The following CACNA1E variants were observed in gnomAD, a reference collection of about 807,000 sequenced individuals.
The protein encoded by CACNA1E is voltage-dependent R-type calcium channel subunit alpha-1E.
CACNA1E carries 40 observed loss-of-function variants against 259.2 expected under a neutral mutation model. That is an observed-to-expected ratio of 0.15 (90% CI 0.12 to 0.20). The LOEUF (loss-of-function observed/expected upper bound fraction) is 0.20, where lower values mean the gene tolerates loss of function less well. CACNA1E is among the 10% of genes least tolerant of loss of function. CACNA1E has a pLI of 1.00. For synonymous variants in CACNA1E, 1,104 were observed against 1,138.5 expected (o/e 0.97, Z 0.61); for missense variants, 1,874 against 3,040.1 (o/e 0.62, Z 9.02).
At chr1:181,627,382 A>G (rs1279160884) in intron 6 of CACNA1E, among the ~76,000 whole-genome samples, 1 of 152,194 alleles carries the variant, frequency 6.6e-6, no homozygotes, top group Non-Finnish European at 1.5e-5. Flanking sequence ...GGGAAGAGGA[A>G]ATGGTACCTG....
At chr1:181,463,711 G>A (rs1167341048) in intron 2 of CACNA1E, among the ~76,000 whole-genome samples, 2 of 152,052 alleles carry the variant, frequency 1.3e-5, no homozygotes, top group Admixed American at 6.5e-5. Context: ...GTTCTAGATA[G>A]AATTCGTGAG....
At chr1:181,323,423 G>T (rs183823920) in intron 1 of CACNA1E, among the ~76,000 whole-genome samples, 1 of 152,198 alleles carries the variant, frequency 6.6e-6, no homozygotes, top group African/African-American at 2.4e-5. Context: ...TAATACACAG[G>T]CACAGAACTG....
intron 1 of CACNA1E, among the ~76,000 whole-genome samples, chr1:181,489,612 C>T (rs1158913540): frequency 3.3e-5 from 5 of 152,180 alleles, no homozygotes; most frequent in Non-Finnish European, 1.5e-5. Flanking sequence ...AACTACTAGC[C>T]TTTTCTACTC....
At chr1:181,711,149 T>C in intron 8 of CACNA1E, 80 bp downstream of exon 8, 1 of 950,826 alleles carries the variant, frequency 1.1e-6, no homozygotes. Flanking sequence ...AATGCTCCCA[T>C]TCAAGGGGCA....
At chr1:181,635,765 G>A (rs1482705628) in intron 6 of CACNA1E, among the ~76,000 whole-genome samples, 1 of 152,100 alleles carries the variant, frequency 6.6e-6, no homozygotes, top group African/African-American at 2.4e-5. Flanking sequence ...GGTTGTGGCT[G>A]GAATATTCCT....
intron 43 of CACNA1E, among the ~76,000 whole-genome samples, chr1:181,787,232 G>A (rs1156765014): frequency 1.3e-5 from 2 of 151,852 alleles, no homozygotes; most frequent in South Asian, 2.1e-4. Flanking sequence ...CCATTCTCCT[G>A]CCTCAGCCTC....
rs536518428 is a variant in CACNA1E, at chr1:181,675,706, G to C, written c.1055+24265G>C. On this transcript the variant is annotated intron_variant, in intron 7 of 47. Transcript: ENST00000367573. Reference sequence around the variant, plus strand: ...ATGAAGCAAAGGATACATCTGAAGAGGCTGTGAGCCCTTCTTGTCACCCTC... The same window carrying C: ...ATGAAGCAAAGGATACATCTGAAGACGCTGTGAGCCCTTCTTGTCACCCTC... Among the ~76,000 whole-genome samples the C allele has an allele frequency of 2.0e-5, 3 of 152,290 alleles. No homozygotes were observed. In the South Asian group the frequency reaches 6.2e-4, roughly 32 times the overall value.
intron 33 of CACNA1E, among the ~76,000 whole-genome samples, chr1:181,762,933 C>T (rs1416053281): frequency 6.6e-6 from 1 of 152,160 alleles, no homozygotes; most frequent in Non-Finnish European, 1.5e-5. Flanking sequence ...AGCTAGTATG[C>T]ATAGCGTTGC....
At position 181,800,931 on chromosome 1, in the gene CACNA1E, CT is replaced by C. The variant is rs1042876297; in HGVS notation, c.*2101del. 2.6e-5 allele frequency: 4 copies of C among 152,710 alleles called. 1 individual carries two copies. The highest frequency in any genetic ancestry group is 1.3e-4 in the Admixed American group (2 of 15,290). 9.5% of individuals were successfully genotyped at this position (152,710 alleles called of 1,614,324 possible). Reference sequence around the variant, plus strand: ...CAGAGCTCTCCCACTCTCAGACCCTCTTTTGTCTTCATTTTCCTCTCCCACT... The same window carrying C: ...CAGAGCTCTCCCACTCTCAGACCCTCTTTGTCTTCATTTTCCTCTCCCACT... On this transcript the variant is annotated 3_prime_UTR_variant, in exon 48 of 48. Transcript: ENST00000367573.
chr1:181,733,377 C>G, intron 20 of CACNA1E, 60 bp from the exon 21 acceptor site: 1 of 1,396,120 alleles, frequency 7.2e-7, no homozygotes, highest in Non-Finnish European at 9.7e-7. Context: ...TTGTGCCAGG[C>G]ACACCTGCCA....
At chr1:181,449,078 C>T (rs1660983260) in intron 2 of CACNA1E, among the ~76,000 whole-genome samples, 1 of 152,154 alleles carries the variant, frequency 6.6e-6, no homozygotes, top group Non-Finnish European at 1.5e-5. Context: ...TTTGGTGGGG[C>T]CATTGGCAGG....
intron 1 of CACNA1E, among the ~76,000 whole-genome samples, chr1:181,355,513 G>A (rs967094865): frequency 3.9e-5 from 6 of 152,090 alleles, no homozygotes; most frequent in Admixed American, 2.0e-4. Flanking sequence ...ACTTGAACCC[G>A]GGATGGGGAG....
intron 6 of CACNA1E, among the ~76,000 whole-genome samples, chr1:181,590,414 A>ATATATATAT (rs1206091612): frequency 7.2e-5 from 9 of 125,728 alleles, no homozygotes; most frequent in African/African-American, 2.8e-4. Flanking sequence ...AAAAAAAAAA[A>ATATATATAT]AAATATATAT....
intron 7 of CACNA1E, among the ~76,000 whole-genome samples, chr1:181,683,208 G>A (rs1160979415): frequency 6.6e-6 from 1 of 152,208 alleles, no homozygotes; most frequent in African/African-American, 2.4e-5. Flanking sequence ...CTAGCAAGTG[G>A]CACTTTATGC....
intron 25 of CACNA1E, among the ~76,000 whole-genome samples, chr1:181,747,449 C>CTTT (rs1558340074): frequency 1.7e-5 from 2 of 117,322 alleles, no homozygotes; most frequent in African/African-American, 6.0e-5. Flanking sequence ...AAAAATCTGT[C>CTTT]ATTTTTTTTT....
intron 3 of CACNA1E, among the ~76,000 whole-genome samples, chr1:181,519,733 T>A (rs988851531): frequency 6.6e-6 from 1 of 152,194 alleles, no homozygotes; most frequent in East Asian, 1.9e-4. Flanking sequence ...CCCCTGGCGA[T>A]GAGAATCTGC....
chr1:181,358,051 A>G (rs2101907258), intron 1 of CACNA1E, among the ~76,000 whole-genome samples: 1 of 152,150 alleles, frequency 6.6e-6, no homozygotes, highest in African/African-American at 2.4e-5. Context: ...GTGTCAGGGG[A>G]GGCAGTAGGA....
At chr1:181,734,296 C>A (rs1655817847) in intron 21 of CACNA1E, among the ~76,000 whole-genome samples, 1 of 152,064 alleles carries the variant, frequency 6.6e-6, no homozygotes, top group African/African-American at 2.4e-5. Context: ...CTCCTAGGAG[C>A]TTTTAGCCAC....
At chr1:181,730,111 C>T (rs555352489) in intron 18 of CACNA1E, among the ~76,000 whole-genome samples, 2 of 152,384 alleles carry the variant, frequency 1.3e-5, no homozygotes, top group South Asian at 4.1e-4. Flanking sequence ...CTCAGACCAA[C>T]TGCCTCTGCT....
Sources: gnomAD v4.1 joint callset for allele counts (sites outside exome capture counted in the v4.1 genomes callset) on GRCh38, gnomAD v4.1.1 for gene constraint, MANE v1.5 for transcripts, NCBI Gene and HGNC (gene_info 2026-07-23, HGNC 2026-07-21) for gene names.